PTPN20: variants seen among roughly 807,000 people sequenced by gnomAD.
PTPN20 encodes the protein protein tyrosine phosphatase non-receptor type 20, also known as tyrosine-protein phosphatase non-receptor type 20.
Under a neutral mutation model 35.0 loss-of-function variants are expected in PTPN20, and 9 were observed. The ratio of observed to expected loss-of-function variants is 0.26; its 90% CI spans 0.15 to 0.45. The LOEUF is 0.45. Ranked by LOEUF, PTPN20 falls within the 20% of genes least tolerant of loss-of-function variation. PTPN20 has a pLI of 1.00. For missense variants in PTPN20, 111 were observed against 312.5 expected, an observed-to-expected ratio of 0.36 and a Z score of 4.86; for synonymous variants, 32 against 100.2, an observed-to-expected ratio of 0.32 and a Z score of 4.06.
At chr10:46,951,194 C>T (rs1169417941) in intron 5 of PTPN20, among the ~76,000 whole-genome samples, 1 of 152,088 alleles carries the variant, frequency 6.6e-6, no homozygotes, top group Non-Finnish European at 1.5e-5. Flanking sequence ...CAGGTTTCCC[C>T]ATGTTGGTCA....
rs1417748566 is a variant in PTPN20, at chr10:46,950,602, C to T, written c.340+3927C>T. Among the ~76,000 whole-genome samples, 24 of 151,740 alleles carry T rather than the reference C, an allele frequency of 1.6e-4. No individual in the cohort carries two copies. In the South Asian group the frequency reaches 2.7e-3, roughly 17 times the overall value. ...ATTTTACTTAATTATTATTTTGTAC[C>T]TATTTAACATTTAATAAAATATTTT... On this transcript the variant is annotated intron_variant, in intron 5 of 10. Coordinates refer to ENST00000374339, the MANE Select transcript of PTPN20 (RefSeq NM_001042357.5).
intron 1 of PTPN20, among the ~76,000 whole-genome samples, chr10:46,926,455 C>T (rs1463225649): frequency 2.0e-5 from 3 of 151,588 alleles, no homozygotes; most frequent in Non-Finnish European, 2.9e-5. Flanking sequence ...TTCATTTTTC[C>T]TTCTTTTGCG....
intron 1 of PTPN20, among the ~76,000 whole-genome samples, chr10:46,915,929 A>C (rs2032930973): frequency 2.4e-5 from 1 of 41,450 alleles, no homozygotes; most frequent in African/African-American, 1.7e-4. Flanking sequence ...GGATTTTGCA[A>C]AGCTCTCCAG....
At chr10:46,937,729 A>G (rs1294642061) in intron 2 of PTPN20, among the ~76,000 whole-genome samples, 1 of 151,912 alleles carries the variant, frequency 6.6e-6, no homozygotes, top group Non-Finnish European at 1.5e-5. Flanking sequence ...TTCCTTGAGC[A>G]CCTTTTAAAA....
At chr10:46,939,696 T>G (rs2042830821) in intron 2 of PTPN20, among the ~76,000 whole-genome samples, 1 of 151,906 alleles carries the variant, frequency 6.6e-6, no homozygotes, top group Non-Finnish European at 1.5e-5. Context: ...CTGCCTTTTT[T>G]GTAAACACAT....
At chr10:46,989,917 CTAGATTTTCTAT>C in intron 9 of PTPN20, among the ~76,000 whole-genome samples, 1 of 65,164 alleles carries the variant, frequency 1.5e-5, no homozygotes, top group Non-Finnish European at 3.1e-5. Flanking sequence ...CTCATTTCCT[CTAGATTTTCTAT>C]TTTTCGTGTG....
rs1261135536 is a variant in PTPN20 at position 46,982,452 on chromosome 10, C to T, written c.584-1778C>T. Among the ~76,000 whole-genome samples, 16 of 152,134 alleles carry T rather than the reference C, an allele frequency of 1.1e-4. No individual in the cohort carries two copies. The East Asian group carries it at 2.9e-3, about 28-fold the overall frequency. ...GTTTGCTTCTGAAATTCGTTTTTTA[C>T]ATTCCCCTTGTATGCGCTGTGTCTT... On this transcript the variant is annotated intron_variant, in intron 7 of 10. Transcript: ENST00000374339.
At chr10:46,953,299 T>C (rs1210431532) in intron 5 of PTPN20, among the ~76,000 whole-genome samples, 2 of 147,354 alleles carry the variant, frequency 1.4e-5, no homozygotes, top group Non-Finnish European at 1.5e-5. Context: ...CACAGTTTTA[T>C]TTTTCTACTT....
At chr10:46,953,226 C>G (rs1342105014) in intron 5 of PTPN20, among the ~76,000 whole-genome samples, 1 of 142,954 alleles carries the variant, frequency 7.0e-6, no homozygotes, top group Middle Eastern at 3.5e-3. Context: ...CTCATTAATT[C>G]TAGGGCCTTT....
chr10:46,968,725 C>T (rs2051480002), intron 7 of PTPN20, among the ~76,000 whole-genome samples: 1 of 150,728 alleles, frequency 6.6e-6, no homozygotes, highest in Non-Finnish European at 1.5e-5. Flanking sequence ...ATTTTACTTC[C>T]TCCAACTTGA....
At chr10:46,993,936 T>A (rs2058516969) in intron 9 of PTPN20, among the ~76,000 whole-genome samples, 1 of 152,210 alleles carries the variant, frequency 6.6e-6, no homozygotes, top group Non-Finnish European at 1.5e-5. Context: ...TTTTTTGTAT[T>A]TTTTTATTTT....
chr10:46,953,383 CTTT>C (rs2047378979), intron 5 of PTPN20, among the ~76,000 whole-genome samples: 1 of 131,340 alleles, frequency 7.6e-6, no homozygotes, highest in African/African-American at 3.5e-5. Flanking sequence ...TTCTTTCTTT[CTTT>C]CTTTCTTTCT....
chr10:46,977,369 A>G (rs1340820510), intron 7 of PTPN20, among the ~76,000 whole-genome samples: 1 of 152,302 alleles, frequency 6.6e-6, no homozygotes, highest in East Asian at 1.9e-4. Flanking sequence ...TATCTAGAGA[A>G]TCTAGAGTAA....
intron 5 of PTPN20, among the ~76,000 whole-genome samples, chr10:46,960,703 T>C (rs2049760874): frequency 6.6e-6 from 1 of 152,180 alleles, no homozygotes; most frequent in African/African-American, 2.4e-5. Flanking sequence ...TACTTCTGTG[T>C]GTACTCTATA....
chr10:46,937,701 T>C (rs2042105133), intron 2 of PTPN20, among the ~76,000 whole-genome samples: 1 of 151,950 alleles, frequency 6.6e-6, no homozygotes, highest in Admixed American at 6.6e-5. Flanking sequence ...CTTTTTATTG[T>C]ATCATGTTTT....
At chr10:46,983,228 C>T (rs2056084878) in intron 7 of PTPN20, among the ~76,000 whole-genome samples, 1 of 152,090 alleles carries the variant, frequency 6.6e-6, no homozygotes, top group African/African-American at 2.4e-5. Flanking sequence ...AGATGTGAGC[C>T]ACCGCGCCTG....
At chr10:46,946,958 T>A (rs2044973314) in intron 5 of PTPN20, 2 of 378,370 alleles carry the variant, frequency 5.3e-6, no homozygotes, top group Non-Finnish European at 9.1e-6. Flanking sequence ...ATTTTATAGA[T>A]TTGAAAAATA....
chr10:46,950,734 T>C (rs2046386996), intron 5 of PTPN20, among the ~76,000 whole-genome samples: 1 of 152,046 alleles, frequency 6.6e-6, no homozygotes, highest in African/African-American at 2.4e-5. Flanking sequence ...TTTCCTCCCA[T>C]CATCCTGAAT....
chr10:47,000,186 A>G (rs2059860570), intron 10 of PTPN20, among the ~76,000 whole-genome samples: 1 of 152,108 alleles, frequency 6.6e-6, no homozygotes, highest in South Asian at 2.1e-4. Flanking sequence ...GGTCACTCAG[A>G]TAGAAGGGGA....
Sources: gnomAD v4.1 joint callset for allele counts (sites outside exome capture counted in the v4.1 genomes callset) on GRCh38, gnomAD v4.1.1 for gene constraint, MANE v1.5 for transcripts, NCBI Gene and HGNC (gene_info 2026-07-23, HGNC 2026-07-21) for gene names.